The following DENND1A variants were observed in gnomAD, a reference collection of about 807,000 sequenced individuals.
DENND1A encodes the protein DENN domain containing 1A.
DENND1A carries 51 observed loss-of-function variants against 113.7 expected under a neutral mutation model. That is an observed-to-expected ratio of 0.45 (90% CI 0.36 to 0.57). The LOEUF is 0.57. Ranked by LOEUF, DENND1A falls within the 20% of genes least tolerant of loss-of-function variation. The pLI is 0.00. For missense variants in DENND1A, 1,258 were observed against 1,395.9 expected (o/e 0.90, Z 1.57); for synonymous variants, 565 against 570.8 (o/e 0.99, Z 0.14).
At chr9:123,775,204 C>T (rs1009549300) in intron 3 of DENND1A, among the ~76,000 whole-genome samples, 2 of 152,166 alleles carry the variant, frequency 1.3e-5, no homozygotes, top group African/African-American at 4.8e-5. Context: ...TTCACACATG[C>T]TTCAAATACT....
At chr9:123,443,906 G>A (rs554557365) in intron 18 of DENND1A, among the ~76,000 whole-genome samples, 16 of 152,170 alleles carry the variant, frequency 1.1e-4, no homozygotes, top group Admixed American at 2.0e-4. Flanking sequence ...GTAGTGAGCC[G>A]TGATCAGGCC....
chr9:123,874,311 C>T (rs966194720), intron 2 of DENND1A, among the ~76,000 whole-genome samples: 1 of 149,786 alleles, frequency 6.7e-6, no homozygotes, highest in African/African-American at 2.5e-5. Flanking sequence ...GTCAAAGATA[C>T]AAAGACAAAC....
At chr9:123,927,892 G>A (rs1038556877) in intron 1 of DENND1A, among the ~76,000 whole-genome samples, 1 of 152,152 alleles carries the variant, frequency 6.6e-6, no homozygotes, top group African/African-American at 2.4e-5. Flanking sequence ...CACTTAAGTG[G>A]GTAATTTCCT....
At chr9:123,574,172 CCTTT>C (rs1023361918) in intron 12 of DENND1A, among the ~76,000 whole-genome samples, 7 of 125,196 alleles carry the variant, frequency 5.6e-5, no homozygotes, top group African/African-American at 2.1e-4. Flanking sequence ...TCTGTAGTTG[CCTTT>C]TTTTTTTTTT....
intron 1 of DENND1A, among the ~76,000 whole-genome samples, chr9:123,917,454 G>A (rs886367989): frequency 6.6e-6 from 1 of 152,158 alleles, no homozygotes; most frequent in African/African-American, 2.4e-5. Flanking sequence ...TGTTGGTGTT[G>A]TTGGAAATCA....
At chr9:123,609,536 A>C (rs1056380520) in intron 10 of DENND1A, 55 bp from the exon 11 acceptor site, 1 of 1,582,192 alleles carries the variant, frequency 6.3e-7, no homozygotes, top group Non-Finnish European at 8.6e-7. Context: ...CTTCTGACAG[A>C]AAATTACAGA....
chr9:123,538,993 G>A (rs771469797), intron 13 of DENND1A, among the ~76,000 whole-genome samples: 7 of 151,078 alleles, frequency 4.6e-5, no homozygotes, highest in African/African-American at 1.5e-4. Flanking sequence ...TTGTATGAAC[G>A]CTAACACTGA....
chr9:123,580,669 G>A (rs1035559082), intron 12 of DENND1A, among the ~76,000 whole-genome samples: 13 of 152,170 alleles, frequency 8.5e-5, no homozygotes, highest in African/African-American at 3.1e-4. Context: ...GGCTTCAAGA[G>A]GTGCTTGTCC....
chr9:123,525,672 AC>A (rs2054773284), intron 13 of DENND1A, among the ~76,000 whole-genome samples: 1 of 151,818 alleles, frequency 6.6e-6, no homozygotes, highest in African/African-American at 2.4e-5. Context: ...TGGAAAGTCC[AC>A]TTTCTCCTCA....
At chr9:123,402,732 C>T (rs987385318) in intron 21 of DENND1A, 8 of 425,386 alleles carry the variant, frequency 1.9e-5, no homozygotes, top group East Asian at 1.4e-4. Flanking sequence ...GGTCTGGACT[C>T]GGGGCTATCT....
At chr9:123,810,574 C>G (rs1219030492) in intron 2 of DENND1A, among the ~76,000 whole-genome samples, 1 of 116,930 alleles carries the variant, frequency 8.6e-6, no homozygotes, top group African/African-American at 3.2e-5. Context: ...AAAAAACAAA[C>G]ATACTAACGA....
rs1273046484 is a variant in DENND1A, at chr9:123,878,942, G to A, written c.88+9C>T. ...AACACACCATATCATAATCAAACAT[G>A]CAAAGTACCTGAAAGAGTGCCACCT... On this transcript the variant is annotated intron_variant, in intron 2 of 23. Coordinates refer to ENST00000394215, the MANE Select transcript of DENND1A (RefSeq NM_001352964.2). 2 of 1,613,576 alleles carry A rather than the reference G, an allele frequency of 1.2e-6. No individual in the cohort carries two copies. Among genetic ancestry groups the A allele is most frequent in the Non-Finnish European group, 8.5e-7 (1 of 1,179,670 alleles).
intron 5 of DENND1A, among the ~76,000 whole-genome samples, chr9:123,731,360 C>T (rs1403413385): frequency 2.6e-5 from 4 of 152,010 alleles, no homozygotes; most frequent in South Asian, 2.1e-4. Context: ...CTGATGGATA[C>T]GCAGAACAAT....
intron 2 of DENND1A, among the ~76,000 whole-genome samples, chr9:123,855,980 T>C (rs1475280723): frequency 6.6e-6 from 1 of 152,106 alleles, no homozygotes; most frequent in Non-Finnish European, 1.5e-5. Flanking sequence ...GAGGTTGCAT[T>C]GAGCCGAGAT....
rs1371565318 is a variant in DENND1A, at chr9:123,767,121, C to A, written c.182+2393G>T. On this transcript the variant is annotated intron_variant, in intron 4 of 23. Coordinates refer to ENST00000394215, the MANE Select transcript of DENND1A (RefSeq NM_001352964.2). The stretch of plus-strand genomic sequence containing the variant: ...ATCTGGGGATATCCATTTGACAGTG[C>A]TAACTGCAAACTAATAAAAAAATTA... Among the ~76,000 whole-genome samples the A allele has an allele frequency of 4.6e-5, 7 of 152,228 alleles. No individual in the cohort carries two copies. In the East Asian group the frequency reaches 1.3e-3, roughly 29 times the overall value.
intron 3 of DENND1A, among the ~76,000 whole-genome samples, chr9:123,786,428 T>C (rs1298827692): frequency 1.3e-5 from 2 of 152,148 alleles, no homozygotes; most frequent in Non-Finnish European, 1.5e-5. Context: ...CTTTCAAGTG[T>C]TGTGGCCATG....
chr9:123,747,114 T>TA (rs565718681), intron 5 of DENND1A, among the ~76,000 whole-genome samples: 20 of 148,764 alleles, frequency 1.3e-4, no homozygotes, highest in East Asian at 5.9e-4. Flanking sequence ...AAACTTAAAA[T>TA]AAAAAAAAAA....
intron 2 of DENND1A, among the ~76,000 whole-genome samples, chr9:123,811,983 T>C (rs893000602): frequency 1.3e-5 from 2 of 152,034 alleles, no homozygotes; most frequent in Non-Finnish European, 2.9e-5. Flanking sequence ...TATCATAGAG[T>C]GTACTTAACA....
intron 1 of DENND1A, among the ~76,000 whole-genome samples, chr9:123,925,906 A>C (rs1047293451): frequency 6.6e-6 from 1 of 152,170 alleles, no homozygotes; most frequent in East Asian, 1.9e-4. Flanking sequence ...CTTCAAACTC[A>C]CTTAGAAAAC....
Sources: gnomAD v4.1 joint callset for allele counts (sites outside exome capture counted in the v4.1 genomes callset) on GRCh38, gnomAD v4.1.1 for gene constraint, MANE v1.5 for transcripts, NCBI Gene and HGNC (gene_info 2026-07-23, HGNC 2026-07-21) for gene names.